WDFY2: variants seen among roughly 807,000 people sequenced by gnomAD.
WDFY2 encodes the protein WD repeat and FYVE domain-containing protein 2.
WDFY2 carries 36 observed loss-of-function variants against 56.4 expected under a neutral mutation model. The observed-to-expected ratio is 0.64, with a 90% CI of 0.49 to 0.84. The LOEUF is 0.84. Ranked by LOEUF, WDFY2 falls within the 40% of genes least tolerant of loss-of-function variation. The pLI is 0.00. For missense variants in WDFY2, 444 were observed against 512.2 expected (o/e 0.87, Z 1.29); for synonymous variants, 176 against 183.7 (o/e 0.96, Z 0.34).
intron 2 of WDFY2, among the ~76,000 whole-genome samples, chr13:51,668,085 G>T (rs1955744713): frequency 1.3e-5 from 2 of 151,582 alleles, no homozygotes; most frequent in African/African-American, 4.8e-5. Context: ...TAGAGACGGG[G>T]TTTCACTGTG....
chr13:51,688,001 T>C (rs934939556), intron 3 of WDFY2, among the ~76,000 whole-genome samples: 2 of 152,134 alleles, frequency 1.3e-5, no homozygotes, highest in Admixed American at 6.6e-5. Flanking sequence ...CGTAGTTTAC[T>C]TGGAAATGCA....
At chr13:51,651,804 A>G (rs2138429583) in intron 1 of WDFY2, among the ~76,000 whole-genome samples, 1 of 152,150 alleles carries the variant, frequency 6.6e-6, no homozygotes. Flanking sequence ...TTTGCTGAGG[A>G]GTGCTTTACT....
At chr13:51,713,200 A>C (rs1238719309) in intron 4 of WDFY2, among the ~76,000 whole-genome samples, 1 of 152,258 alleles carries the variant, frequency 6.6e-6, no homozygotes, top group Non-Finnish European at 1.5e-5. Flanking sequence ...ATCATTCTTT[A>C]TGATAATGGG....
At chr13:51,615,914 A>G (rs913299412) in intron 1 of WDFY2, among the ~76,000 whole-genome samples, 1 of 152,208 alleles carries the variant, frequency 6.6e-6, no homozygotes, top group Admixed American at 6.5e-5. Context: ...CTATTTTTTA[A>G]CCAGTAATGA....
At chr13:51,630,902 C>G (rs1235419630) in intron 1 of WDFY2, among the ~76,000 whole-genome samples, 1 of 151,442 alleles carries the variant, frequency 6.6e-6, no homozygotes, top group Non-Finnish European at 1.5e-5. Flanking sequence ...CCTCAGCCTC[C>G]CAAGTAGCTG....
rs922241637 is a variant in WDFY2, at chr13:51,703,588, T to C, written c.280-8T>C. ...ATTTTTGTTTAATAGTTTTCTTTTC[T>C]TTTACAGGAGTTTATATTGTCAGAA... is the stretch of plus-strand genomic sequence containing the variant. On this transcript the variant is annotated splice_polypyrimidine_tract_variant and splice_region_variant and intron_variant, in intron 3 of 11. Transcript: ENST00000298125. The C allele has an allele frequency of 7.5e-6, 12 of 1,590,094 alleles. No individual in the cohort carries two copies. Among genetic ancestry groups the C allele is most frequent in the African/African-American group, 2.7e-5 (2 of 74,036 alleles).
At chr13:51,712,670 A>G (rs1952248406) in intron 4 of WDFY2, among the ~76,000 whole-genome samples, 1 of 152,018 alleles carries the variant, frequency 6.6e-6, no homozygotes, top group Non-Finnish European at 1.5e-5. Context: ...ATAGAGAAAA[A>G]TCAATGAAAT....
At chr13:51,597,596 G>A (rs1276306655) in intron 1 of WDFY2, among the ~76,000 whole-genome samples, 2 of 152,136 alleles carry the variant, frequency 1.3e-5, no homozygotes, top group Non-Finnish European at 2.9e-5. Context: ...TTATGTATGT[G>A]GAAAAGTGAG....
At chr13:51,666,118 A>G (rs1176196838) in intron 2 of WDFY2, among the ~76,000 whole-genome samples, 3 of 152,182 alleles carry the variant, frequency 2.0e-5, no homozygotes, top group Admixed American at 2.0e-4. Flanking sequence ...TGAACTGCTT[A>G]CTTCCCAGTT....
intron 1 of WDFY2, chr13:51,590,921 G>C (rs1331147112): frequency 6.6e-6 from 1 of 152,050 alleles, no homozygotes; most frequent in Non-Finnish European, 1.5e-5. Flanking sequence ...TAACCAGTAA[G>C]ACCAAAAAAG....
chr13:51,734,518 A>T (rs915724549), intron 6 of WDFY2, among the ~76,000 whole-genome samples: 1 of 152,196 alleles, frequency 6.6e-6, no homozygotes, highest in Non-Finnish European at 1.5e-5. Context: ...GAAAACTTTT[A>T]TTTTAAAAAT....
At chr13:51,749,861 T>A (rs1953188498) in intron 7 of WDFY2, among the ~76,000 whole-genome samples, 2 of 152,172 alleles carry the variant, frequency 1.3e-5, no homozygotes, top group Admixed American at 1.3e-4. Flanking sequence ...CTACAAAACA[T>A]AATTGCTATT....
intron 1 of WDFY2, among the ~76,000 whole-genome samples, chr13:51,635,517 A>T (rs527240425): frequency 6.6e-6 from 1 of 152,314 alleles, no homozygotes; most frequent in East Asian, 1.9e-4. Flanking sequence ...CTTTTCACCA[A>T]ACTTCCTGCA....
intron 1 of WDFY2, among the ~76,000 whole-genome samples, chr13:51,653,632 C>A (rs1440316655): frequency 2.0e-5 from 3 of 152,214 alleles, no homozygotes; most frequent in African/African-American, 7.2e-5. Context: ...ACAGTCAGGA[C>A]CCTCAGCTGC....
chr13:51,741,678 C>T (rs1295229499), intron 7 of WDFY2, among the ~76,000 whole-genome samples: 1 of 152,202 alleles, frequency 6.6e-6, no homozygotes, highest in Non-Finnish European at 1.5e-5. Context: ...TGTGAAAGAG[C>T]TTTCAAAACA....
At chr13:51,603,201 CTCT>C (rs1324949029) in intron 1 of WDFY2, among the ~76,000 whole-genome samples, 1 of 152,210 alleles carries the variant, frequency 6.6e-6, no homozygotes, top group Non-Finnish European at 1.5e-5. Flanking sequence ...CATTCCTTTG[CTCT>C]TCTTGTTTAG....
At chr13:51,651,192 A>T (rs1454768985) in intron 1 of WDFY2, among the ~76,000 whole-genome samples, 4 of 152,048 alleles carry the variant, frequency 2.6e-5, no homozygotes, top group Admixed American at 6.5e-5. Context: ...ATTTTCTAGT[A>T]TATTTGCATA....
At chr13:51,605,583 G>C (rs1395177451) in intron 1 of WDFY2, among the ~76,000 whole-genome samples, 1 of 152,152 alleles carries the variant, frequency 6.6e-6, no homozygotes, top group African/African-American at 2.4e-5. Context: ...AAAATACCCT[G>C]TCAGAAATTT....
intron 4 of WDFY2, among the ~76,000 whole-genome samples, chr13:51,710,239 C>A (rs1208674855): frequency 6.6e-6 from 1 of 152,102 alleles, no homozygotes; most frequent in African/African-American, 2.4e-5. Context: ...ATTCAGTAGC[C>A]CTTCATGCTA....
Sources: allele counts gnomAD v4.1 joint callset (sites outside exome capture counted in the v4.1 genomes callset), GRCh38; gene constraint gnomAD v4.1.1; transcripts MANE v1.5; gene names NCBI Gene and HGNC (gene_info 2026-07-23, HGNC 2026-07-21).